Variants in NALF1 observed in about 807,000 individuals in gnomAD.
The protein encoded by NALF1 is NALCN channel auxiliary factor 1.
NALF1 carries 3 observed loss-of-function variants against 48.4 expected under a neutral mutation model. The ratio of observed to expected loss-of-function variants is 0.06; its 90% CI spans 0.03 to 0.16. The LOEUF is 0.16. Among genes scored for constraint, NALF1 ranks in the 10% least tolerant of loss-of-function variants. NALF1 has a pLI of 1.00. For synonymous variants in NALF1, 262 were observed against 245.7 expected, an observed-to-expected ratio of 1.07 and a Z score of -0.62; for missense variants, 526 against 571.5, an observed-to-expected ratio of 0.92 and a Z score of 0.81.
At chr13:107,595,417 C>A (rs1878716104) in intron 1 of NALF1, among the ~76,000 whole-genome samples, 1 of 152,012 alleles carries the variant, frequency 6.6e-6, no homozygotes, top group Non-Finnish European at 1.5e-5. Context: ...CTCATATGTT[C>A]TACTGATGGC....
intron 1 of NALF1, among the ~76,000 whole-genome samples, chr13:107,443,130 G>C (rs1315258006): frequency 6.6e-6 from 1 of 152,094 alleles, no homozygotes; most frequent in East Asian, 1.9e-4. Context: ...AATAGTATCA[G>C]AAACATTACA....
chr13:107,768,484 A>T (rs1210725045), intron 1 of NALF1, among the ~76,000 whole-genome samples: 1 of 152,206 alleles, frequency 6.6e-6, no homozygotes, highest in African/African-American at 2.4e-5. Context: ...AAGAATTTGG[A>T]ATGTGAACTA....
At chr13:107,856,518 A>T (rs1396055978) in intron 1 of NALF1, among the ~76,000 whole-genome samples, 1 of 152,172 alleles carries the variant, frequency 6.6e-6, no homozygotes, top group African/African-American at 2.4e-5. Context: ...GGGTAAGTAT[A>T]TATACTTTAT....
intron 1 of NALF1, among the ~76,000 whole-genome samples, chr13:107,835,630 C>A (rs926790703): frequency 2.0e-5 from 3 of 152,104 alleles, no homozygotes; most frequent in Admixed American, 6.5e-5. Context: ...AAGACCCACA[C>A]ACACACCGGT....
intron 1 of NALF1, among the ~76,000 whole-genome samples, chr13:107,766,057 T>C (rs900720840): frequency 1.3e-5 from 2 of 152,174 alleles, no homozygotes; most frequent in African/African-American, 2.4e-5. Context: ...TCATCTATAA[T>C]AGGTCCATCG....
intron 1 of NALF1, among the ~76,000 whole-genome samples, chr13:107,729,742 G>C (rs959880405): frequency 9.9e-5 from 15 of 152,134 alleles, no homozygotes; most frequent in African/African-American, 3.6e-4. Context: ...GCCTCCCAAA[G>C]TGTTGGGATT....
In NALF1 at chr13:107,288,516, A is replaced by G. The variant is rs111737887; in HGVS notation, c.916-77761T>C. On this transcript the variant is annotated intron_variant, in intron 1 of 2. Transcript: ENST00000375915. ...ATTACAGGCGTGAGCCACCGCGCCCAGCCTGAAAACTTTTTTTTTTTTTTT... is the reference window on the plus strand; with the variant it reads ...ATTACAGGCGTGAGCCACCGCGCCCGGCCTGAAAACTTTTTTTTTTTTTTT... 4.6e-3 allele frequency among the ~76,000 whole-genome samples: 677 copies of G among 146,036 alleles called. 4 individuals are homozygous for G. Among genetic ancestry groups the G allele is most frequent in the African/African-American group, 0.016 (625 of 39,844 alleles).
At chr13:107,633,938 A>T (rs1412364995) in intron 1 of NALF1, among the ~76,000 whole-genome samples, 4 of 149,188 alleles carry the variant, frequency 2.7e-5, no homozygotes, top group Admixed American at 1.3e-4. Flanking sequence ...ATATGGATAT[A>T]TATATTCTGT....
At chr13:107,446,842 T>C (rs1884658973) in intron 1 of NALF1, among the ~76,000 whole-genome samples, 1 of 152,202 alleles carries the variant, frequency 6.6e-6, no homozygotes, top group Non-Finnish European at 1.5e-5. Context: ...GAGTAAGTCA[T>C]TTGTGCTGAA....
chr13:107,512,319 G>T (rs901325028), intron 1 of NALF1, among the ~76,000 whole-genome samples: 1 of 152,126 alleles, frequency 6.6e-6, no homozygotes, highest in Admixed American at 6.5e-5. Flanking sequence ...ACTTGAACCT[G>T]GGAGGCGGAG....
intron 1 of NALF1, among the ~76,000 whole-genome samples, chr13:107,369,271 G>A (rs1883207162): frequency 6.6e-6 from 1 of 152,026 alleles, no homozygotes; most frequent in African/African-American, 2.4e-5. Flanking sequence ...AAGTATAATA[G>A]TTTTTAGTAT....
intron 1 of NALF1, among the ~76,000 whole-genome samples, chr13:107,407,919 TTTA>T (rs1228725785): frequency 2.0e-5 from 3 of 152,042 alleles, no homozygotes; most frequent in Non-Finnish European, 4.4e-5. Context: ...TATTCCTCCA[TTTA>T]AAAAAGAATG....
chr13:107,525,408 C>T (rs1876398025), intron 1 of NALF1, among the ~76,000 whole-genome samples: 1 of 152,036 alleles, frequency 6.6e-6, no homozygotes, highest in African/African-American at 2.4e-5. Flanking sequence ...TCAGGATATG[C>T]CTTTGAGATT....
At chr13:107,579,082 C>A (rs1421467301) in intron 1 of NALF1, among the ~76,000 whole-genome samples, 1 of 152,080 alleles carries the variant, frequency 6.6e-6, no homozygotes, top group African/African-American at 2.4e-5. Flanking sequence ...TCCATAATCA[C>A]CTCTCTATTT....
intron 1 of NALF1, among the ~76,000 whole-genome samples, chr13:107,860,359 C>T (rs1401463518): frequency 1.3e-5 from 2 of 152,186 alleles, no homozygotes; most frequent in Non-Finnish European, 2.9e-5. Flanking sequence ...TTATGATGTA[C>T]TACTGAGATA....
At chr13:107,807,202 TAA>T (rs2138602718) in intron 1 of NALF1, among the ~76,000 whole-genome samples, 1 of 152,296 alleles carries the variant, frequency 6.6e-6, no homozygotes, top group African/African-American at 2.4e-5. Context: ...TTCAGCTTCG[TAA>T]AAGTTTGTAT....
intron 1 of NALF1, among the ~76,000 whole-genome samples, chr13:107,519,794 T>C (rs539639456): frequency 2.6e-5 from 4 of 152,286 alleles, no homozygotes; most frequent in African/African-American, 9.6e-5. Flanking sequence ...TTACCAAGAT[T>C]AGCAAGTAGA....
intron 2 of NALF1, among the ~76,000 whole-genome samples, chr13:107,172,314 CT>C (rs1350105813): frequency 6.6e-6 from 1 of 152,130 alleles, no homozygotes; most frequent in African/African-American, 2.4e-5. Flanking sequence ...AATTTTCTTA[CT>C]TATCTGTCAA....
intron 2 of NALF1, among the ~76,000 whole-genome samples, chr13:107,194,617 A>G (rs1429402587): frequency 6.6e-6 from 1 of 152,208 alleles, no homozygotes; most frequent in Non-Finnish European, 1.5e-5. Flanking sequence ...AACCACAAAA[A>G]TTCTAAAAGA....
Sources: allele counts gnomAD v4.1 joint callset (sites outside exome capture counted in the v4.1 genomes callset), GRCh38; gene constraint gnomAD v4.1.1; transcripts MANE v1.5; gene names NCBI Gene and HGNC (gene_info 2026-07-23, HGNC 2026-07-21).